RP1: variants seen among roughly 807,000 people sequenced by gnomAD.
RP1 encodes the protein oxygen-regulated protein 1.
In RP1, 16 loss-of-function variants were observed where a neutral mutation model predicts 14.8. The observed-to-expected ratio is 1.08, with a 90% CI of 0.73 to 1.65. The LOEUF (loss-of-function observed/expected upper bound fraction) is 1.65, where lower values mean the gene tolerates loss of function less well. RP1 is among the 40% of genes most tolerant of loss of function. RP1 has a pLI of 0.00. For synonymous variants in RP1, 876 were observed against 883.6 expected, an observed-to-expected ratio of 0.99 and a Z score of 0.15; for missense variants, 2,631 against 2,535.0, an observed-to-expected ratio of 1.04 and a Z score of -0.81.
chr8:54,565,025 G>T (rs753701449), intron 1 of RP1, among the ~76,000 whole-genome samples: 10 of 152,116 alleles, frequency 6.6e-5, no homozygotes, highest in Non-Finnish European at 1.5e-4. Flanking sequence ...CAAAGTGTTG[G>T]GATTATAGGC....
At chr8:54,831,327 T>C (rs1031732363) in intron 24 of RP1, among the ~76,000 whole-genome samples, 5 of 151,774 alleles carry the variant, frequency 3.3e-5, no homozygotes, top group African/African-American at 1.2e-4. Context: ...GAATTCTTTA[T>C]ATATTCTGGA....
chr8:54,630,529 G>GT lies in RP1; in HGVS notation c.*181dup, dbSNP rs140712625. ...GACTTTCATAATGTCTCTGTTTTTT[G>GT]TTTTTCCAACAATTACAGACTCAGG... On this transcript the variant is annotated 3_prime_UTR_variant, in exon 4 of 4. Transcript: ENST00000220676. 1.5e-6 allele frequency: 2 copies of GT among 1,369,178 alleles called. No homozygotes were observed. The highest frequency in any genetic ancestry group is 3.3e-5 in the Admixed American group (1 of 30,632). The allele number at this position is 1,369,178 out of a possible 1,614,324, so 84.8% of individuals were successfully genotyped here.
At chr8:54,637,558 C>G (rs534808889) in intron 3 of RP1, among the ~76,000 whole-genome samples, 1 of 152,262 alleles carries the variant, frequency 6.6e-6, no homozygotes, top group East Asian at 1.9e-4. Context: ...CCAGAGGCAT[C>G]TTTCTTGAAA....
chr8:54,781,427 C>T (rs1370341486), intron 23 of RP1, among the ~76,000 whole-genome samples: 2 of 152,126 alleles, frequency 1.3e-5, no homozygotes, highest in Admixed American at 6.5e-5. Flanking sequence ...AATAAGGAAA[C>T]GTATAGATAA....
At chr8:54,870,616 C>T (rs1812567664) in exon 29 of RP1, 1 of 152,184 alleles carries the variant, frequency 6.6e-6, no homozygotes, top group Non-Finnish European at 1.5e-5. Context: ...CCATCGGTCA[C>T]TTTTTCTCAT....
chr8:54,696,023 A>G (rs1807851305), intron 12 of RP1, among the ~76,000 whole-genome samples: 1 of 152,298 alleles, frequency 6.6e-6, no homozygotes, highest in Non-Finnish European at 1.5e-5. Flanking sequence ...ATATAAAATC[A>G]TATAAATATA....
Position 54,630,013 on chromosome 8 carries a change from T to G in RP1, c.6131T>G (p.Val2044Gly). The change falls in exon 4 of 4, where the codon GTG (valine) becomes GGG (glycine). Residue 2044 changes from valine to glycine, a missense_variant. Val to Gly is a moderately radical substitution (Grantham distance 109). Coordinates refer to ENST00000220676, the MANE Select transcript of RP1 (RefSeq NM_006269.2). Reference sequence around the variant, plus strand: ...TTCTTGCACACATCATTGTTAGTTGTGGGTAATGTGGATTCAAATACACAA... The same window carrying G: ...TTCTTGCACACATCATTGTTAGTTGGGGGTAATGTGGATTCAAATACACAA... ...MNFLHTSLLVVGNVDSNTQDL... is the reference protein window; with the variant it reads ...MNFLHTSLLVGGNVDSNTQDL... 6.2e-7 allele frequency: 1 copy of G among 1,614,064 alleles called. No homozygotes were observed.
intron 22 of RP1, among the ~76,000 whole-genome samples, chr8:54,768,990 A>G (rs1026759977): frequency 1.3e-5 from 2 of 148,860 alleles, no homozygotes; most frequent in Non-Finnish European, 3.0e-5. Flanking sequence ...TCTGCCTCCC[A>G]GGTTCACGCC....
At chr8:54,606,942 C>T (rs545309704) in intron 1 of RP1, among the ~76,000 whole-genome samples, 39 of 135,070 alleles carry the variant, frequency 2.9e-4, no homozygotes, top group Non-Finnish European at 4.1e-4. Context: ...GTTATCCATT[C>T]GTCTAATTTT....
At chr8:54,595,337 G>A (rs1380926714) in intron 1 of RP1, among the ~76,000 whole-genome samples, 1 of 152,044 alleles carries the variant, frequency 6.6e-6, no homozygotes, top group African/African-American at 2.4e-5. Flanking sequence ...CACTCTGTTA[G>A]CCAGGATGGT....
At chr8:54,761,223 C>T (rs761403929) in intron 22 of RP1, among the ~76,000 whole-genome samples, 28 of 148,540 alleles carry the variant, frequency 1.9e-4, no homozygotes, top group South Asian at 4.2e-4. Flanking sequence ...TCATTTCTTG[C>T]GCTACCTTAC....
downstream of RP1, among the ~76,000 whole-genome samples, chr8:54,635,767 G>A (rs1424690569): frequency 1.3e-5 from 2 of 152,060 alleles, no homozygotes; most frequent in Admixed American, 1.3e-4. Context: ...AAAATGTAAC[G>A]GTCAACACCA....
At chr8:54,741,739 A>ATATATATG (rs1809103080) in intron 19 of RP1, among the ~76,000 whole-genome samples, 1 of 136,728 alleles carries the variant, frequency 7.3e-6, no homozygotes, top group Admixed American at 7.4e-5. Flanking sequence ...ATATATATAT[A>ATATATATG]TATATATATA....
rs116438864 is a variant in RP1, at chr8:54,568,194, C to T, written c.-13+8874C>T. Among the ~76,000 whole-genome samples the T allele has an allele frequency of 3.6e-3, 547 of 152,220 alleles. 3 individuals carry two copies. The highest frequency in any genetic ancestry group is 0.013 in the African/African-American group (535 of 41,522). On this transcript the variant is annotated intron_variant, in intron 1 of 22. Coordinates refer to the RP1 transcript ENST00000636932. ...TATTCATGAGTCTTGCTGAAGGTAC[C>T]ACATAACACTACTGTTTCCAGCTCA...
At chr8:54,780,879 T>A (rs1362922700) in intron 23 of RP1, 1 of 978,328 alleles carries the variant, frequency 1.0e-6, no homozygotes, top group Non-Finnish European at 1.2e-6. Flanking sequence ...TTACATATAC[T>A]GATTGCACGT....
chr8:54,569,216 A>C (rs1055721974), intron 1 of RP1, among the ~76,000 whole-genome samples: 1 of 152,230 alleles, frequency 6.6e-6, no homozygotes, highest in African/African-American at 2.4e-5. Context: ...GAAGGCACAC[A>C]GCACACAAAG....
At chr8:54,675,630 A>G (rs554405187) in intron 8 of RP1, among the ~76,000 whole-genome samples, 6 of 152,278 alleles carry the variant, frequency 3.9e-5, no homozygotes, top group African/African-American at 1.4e-4. Context: ...AGTAAAACAA[A>G]AATTTAATTA....
upstream of RP1, among the ~76,000 whole-genome samples, chr8:54,613,663 G>A (rs532342504): frequency 6.6e-6 from 1 of 152,216 alleles, no homozygotes; most frequent in South Asian, 2.1e-4. Flanking sequence ...GGAAGGCAGG[G>A]GTTCAAGAAA....
intron 1 of RP1, among the ~76,000 whole-genome samples, chr8:54,585,243 C>T (rs1254648714): frequency 6.6e-6 from 1 of 152,174 alleles, no homozygotes; most frequent in African/African-American, 2.4e-5. Context: ...TTCTATTTCT[C>T]CTTCACTTAC....
Sources: allele counts gnomAD v4.1 joint callset (sites outside exome capture counted in the v4.1 genomes callset), GRCh38; gene constraint gnomAD v4.1.1; transcripts MANE v1.5; gene names NCBI Gene and HGNC (gene_info 2026-07-23, HGNC 2026-07-21).